The following RUFY3 variants were observed in gnomAD, a reference collection of about 807,000 sequenced individuals.
The protein encoded by RUFY3 is RUN and FYVE domain containing 3.
Under a neutral mutation model 84.0 loss-of-function variants are expected in RUFY3, and 34 were observed. That is an observed-to-expected ratio of 0.40 (90% confidence interval 0.31 to 0.54). The LOEUF (loss-of-function observed/expected upper bound fraction) is 0.54. Among genes scored for constraint, RUFY3 ranks in the 20% least tolerant of loss-of-function variants. The pLI is 0.39. For synonymous variants in RUFY3, 242 were observed against 252.9 expected, an observed-to-expected ratio of 0.96 and a Z score of 0.41; for missense variants, 507 against 736.8, an observed-to-expected ratio of 0.69 and a Z score of 3.61.
intron 1 of RUFY3, among the ~76,000 whole-genome samples, chr4:70,741,468 C>G (rs1354599247): frequency 6.6e-6 from 1 of 152,148 alleles, no homozygotes; most frequent in East Asian, 1.9e-4. Flanking sequence ...GGTTGTACTC[C>G]CAGCCCTTGT....
chr4:70,740,279 G>C (rs1381594376), intron 1 of RUFY3, among the ~76,000 whole-genome samples: 1 of 152,084 alleles, frequency 6.6e-6, no homozygotes, highest in Non-Finnish European at 1.5e-5. Flanking sequence ...TAAATTAATT[G>C]CATCACTCTG....
chr4:70,800,351 T>A, intron 15 of RUFY3, 146 bp downstream of exon 15: 1 of 623,708 alleles, frequency 1.6e-6, no homozygotes, highest in Non-Finnish European at 2.7e-6. Flanking sequence ...AAGTGGAAGT[T>A]AATAATAAAA....
At chr4:70,732,921 G>A (rs1425333034) in intron 1 of RUFY3, among the ~76,000 whole-genome samples, 4 of 151,924 alleles carry the variant, frequency 2.6e-5, no homozygotes, top group South Asian at 4.1e-4. Context: ...AAAATAAAAA[G>A]CCAGGTGCAG....
chr4:70,752,237 C>G (rs977816399), intron 1 of RUFY3, among the ~76,000 whole-genome samples: 2 of 152,196 alleles, frequency 1.3e-5, no homozygotes, highest in South Asian at 2.1e-4. Context: ...CTAATGTATA[C>G]AAATATAATT....
At chr4:70,773,641 A>G (rs1354123502) in intron 6 of RUFY3, 69 bp downstream of exon 6, 1 of 1,012,624 alleles carries the variant, frequency 9.9e-7, no homozygotes, top group Non-Finnish European at 1.5e-6. Context: ...TGGTACTTAA[A>G]GTTTACAACA....
intron 15 of RUFY3, 126 bp from the exon 16 acceptor site, chr4:70,802,830 A>G (rs1732396237): frequency 1.6e-6 from 1 of 629,280 alleles, no homozygotes; most frequent in Non-Finnish European, 2.7e-6. Context: ...GTTCTAAGTA[A>G]TATAAAAGAC....
At chr4:70,712,677 T>C (rs1317026446) in intron 1 of RUFY3, among the ~76,000 whole-genome samples, 2 of 152,238 alleles carry the variant, frequency 1.3e-5, no homozygotes, top group Non-Finnish European at 2.9e-5. Flanking sequence ...TGTATGATGA[T>C]GGAAGTGTAG....
chr4:70,768,319 T>C (rs1042983946), intron 4 of RUFY3, among the ~76,000 whole-genome samples: 1 of 152,186 alleles, frequency 6.6e-6, no homozygotes, highest in African/African-American at 2.4e-5. Flanking sequence ...TTTTAAAAAA[T>C]TTTTTCTCCA....
intron 1 of RUFY3, among the ~76,000 whole-genome samples, chr4:70,749,395 T>C (rs550775362): frequency 1.3e-5 from 2 of 152,194 alleles, no homozygotes; most frequent in South Asian, 2.1e-4. Flanking sequence ...TGCAAGCTAA[T>C]ATATTTTTTT....
chr4:70,800,600 G>A (rs889048396), intron 15 of RUFY3, among the ~76,000 whole-genome samples: 2 of 152,144 alleles, frequency 1.3e-5, no homozygotes, highest in African/African-American at 4.8e-5. Flanking sequence ...TTTCAAATAA[G>A]TGGCTGGGCG....
intron 1 of RUFY3, among the ~76,000 whole-genome samples, chr4:70,735,960 C>A (rs1051438895): frequency 6.6e-6 from 1 of 151,776 alleles, no homozygotes; most frequent in East Asian, 1.9e-4. Context: ...TGCACTCCAG[C>A]CTGGGCAACA....
intron 1 of RUFY3, among the ~76,000 whole-genome samples, chr4:70,735,328 G>T (rs1184048119): frequency 6.6e-6 from 1 of 152,164 alleles, no homozygotes; most frequent in African/African-American, 2.4e-5. Context: ...AAGTGCTTTT[G>T]AGTACAGGGC....
chr4:70,708,756 A>G (rs1028428535), intron 1 of RUFY3, among the ~76,000 whole-genome samples: 1 of 152,206 alleles, frequency 6.6e-6, no homozygotes, highest in African/African-American at 2.4e-5. Flanking sequence ...AATAGCAAAA[A>G]TGTGTGAGAC....
intron 4 of RUFY3, among the ~76,000 whole-genome samples, chr4:70,767,119 C>A (rs1330670037): frequency 6.6e-6 from 1 of 151,820 alleles, no homozygotes; most frequent in African/African-American, 2.4e-5. Flanking sequence ...GAGTTTCACT[C>A]TTGTTGCCCA....
intron 6 of RUFY3, among the ~76,000 whole-genome samples, chr4:70,774,800 A>C (rs1020906051): frequency 6.6e-6 from 1 of 151,390 alleles, no homozygotes; most frequent in Non-Finnish European, 1.5e-5. Flanking sequence ...TTCAAGTCCT[A>C]TGACAATTGG....
intron 1 of RUFY3, among the ~76,000 whole-genome samples, chr4:70,758,404 G>A (rs1724401698): frequency 6.6e-6 from 1 of 152,152 alleles, no homozygotes; most frequent in South Asian, 2.1e-4. Flanking sequence ...GCCAACATGG[G>A]AGGATGGCTT....
intron 1 of RUFY3, among the ~76,000 whole-genome samples, chr4:70,738,179 G>C (rs1720699785): frequency 1.3e-5 from 2 of 149,724 alleles, no homozygotes; most frequent in East Asian, 4.0e-4. Flanking sequence ...GGCAGAGACA[G>C]GGTTTCGCCA....
chr4:70,804,291 GA>G (rs1182203496), intron 16 of RUFY3, 56 bp from the exon 17 acceptor site: 1 of 1,403,726 alleles, frequency 7.1e-7, no homozygotes, highest in Non-Finnish European at 1.0e-6. Flanking sequence ...TGCATATTCT[GA>G]AAGTACTAAT....
intron 14 of RUFY3, among the ~76,000 whole-genome samples, chr4:70,797,173 G>T (rs1178543952): frequency 2.6e-5 from 4 of 151,902 alleles, no homozygotes; most frequent in African/African-American, 9.7e-5. Flanking sequence ...CAACTCCTGG[G>T]CTCAAGCGAT....
Sources: gnomAD v4.1 joint callset for allele counts (sites outside exome capture counted in the v4.1 genomes callset) on GRCh38, gnomAD v4.1.1 for gene constraint, MANE v1.5 for transcripts, NCBI Gene and HGNC (gene_info 2026-07-23, HGNC 2026-07-21) for gene names.